The following APC variants were observed in gnomAD, a reference collection of about 807,000 sequenced individuals.
The protein encoded by APC is APC regulator of Wnt signaling pathway, also known as adenomatous polyposis coli protein.
APC carries 72 observed loss-of-function variants against 247.0 expected under a neutral mutation model. The ratio of observed to expected loss-of-function variants is 0.29; its 90% CI spans 0.24 to 0.35. The LOEUF is 0.35. APC is among the 10% of genes least tolerant of loss of function. APC has a pLI of 1.00. For synonymous variants in APC, 1,254 were observed against 1,162.5 expected, an observed-to-expected ratio of 1.08 and a Z score of -1.60; for missense variants, 3,400 against 3,360.7, an observed-to-expected ratio of 1.01 and a Z score of -0.29.
intron 1 of APC, among the ~76,000 whole-genome samples, chr5:112,712,198 T>C (rs192572464): frequency 6.6e-6 from 1 of 152,320 alleles, no homozygotes; most frequent in African/African-American, 2.4e-5. Flanking sequence ...TGTGTTCTCT[T>C]GGTGATCATA....
At chr5:112,814,514 T>C (rs966614132) in intron 8 of APC, among the ~76,000 whole-genome samples, 1 of 152,190 alleles carries the variant, frequency 6.6e-6, no homozygotes, top group Non-Finnish European at 1.5e-5. Context: ...CTCAAGCCAG[T>C]TAATTTGACC....
chr5:112,746,899 G>A (rs187450916), intron 1 of APC, among the ~76,000 whole-genome samples: 1 of 152,284 alleles, frequency 6.6e-6, no homozygotes, highest in East Asian at 1.9e-4. Flanking sequence ...AAAATCCACT[G>A]GAAACCCTAT....
intron 10 of APC, among the ~76,000 whole-genome samples, chr5:112,819,795 C>A (rs778650306): frequency 6.6e-6 from 1 of 152,152 alleles, no homozygotes; most frequent in African/African-American, 2.4e-5. Flanking sequence ...ATTTGCTCCT[C>A]ACATCAACCT....
intron 1 of APC, among the ~76,000 whole-genome samples, chr5:112,750,246 A>C (rs571907896): frequency 2.0e-5 from 3 of 152,142 alleles, no homozygotes; most frequent in African/African-American, 7.2e-5. Flanking sequence ...TACAAGCATG[A>C]GCCACCGCCA....
At chr5:112,803,789 A>G (rs1276948351) in intron 8 of APC, among the ~76,000 whole-genome samples, 1 of 152,140 alleles carries the variant, frequency 6.6e-6, no homozygotes. Flanking sequence ...GATAAATTAC[A>G]TCTCTATTTA....
At position 112,766,306 on chromosome 5, in the gene APC, T is replaced by C. The variant is rs1219730982; in HGVS notation, c.136-20T>C. ...AGTTATTTAGAATTTCATGTTAATA[T>C]ATTGTGTTCTTTTTAACAGGAAGTA... On this transcript the variant is annotated intron_variant, in intron 2 of 15. Coordinates refer to ENST00000257430, the MANE Select transcript of APC (RefSeq NM_000038.6). 7 of 1,463,738 alleles carry C rather than the reference T, an allele frequency of 4.8e-6. No homozygotes were observed. The highest frequency in any genetic ancestry group is 6.7e-6 in the Non-Finnish European group (7 of 1,043,840). 90.7% of individuals were successfully genotyped at this position (1,463,738 alleles called of 1,614,324 possible).
chr5:112,801,823 TC>T (rs1760866451), intron 8 of APC, among the ~76,000 whole-genome samples: 1 of 152,080 alleles, frequency 6.6e-6, no homozygotes, highest in Admixed American at 6.6e-5. Context: ...AATCTAGAAA[TC>T]CAAGTCTTAC....
chr5:112,820,441 G>A (rs1763001810), intron 10 of APC, among the ~76,000 whole-genome samples: 1 of 152,072 alleles, frequency 6.6e-6, no homozygotes, highest in South Asian at 2.1e-4. Flanking sequence ...CTTAAGCCCA[G>A]GAGTTAAAGA....
chr5:112,799,604 C>A (rs1760590532), intron 7 of APC, among the ~76,000 whole-genome samples: 1 of 152,122 alleles, frequency 6.6e-6, no homozygotes, highest in African/African-American at 2.4e-5. Flanking sequence ...AATTTACTTG[C>A]AACTTTATCC....
At chr5:112,800,852 A>G (rs1209755681) in intron 7 of APC, among the ~76,000 whole-genome samples, 1 of 152,030 alleles carries the variant, frequency 6.6e-6, no homozygotes, top group Non-Finnish European at 1.5e-5. Flanking sequence ...TATATATTCT[A>G]TGTGAAAATA....
At chr5:112,814,043 G>C (rs1437293328) in intron 8 of APC, among the ~76,000 whole-genome samples, 1 of 152,116 alleles carries the variant, frequency 6.6e-6, no homozygotes, top group African/African-American at 2.4e-5. Flanking sequence ...CAAATATTCT[G>C]TGGATACCTA....
chr5:112,794,102 G>GT (rs1187257520), intron 7 of APC, among the ~76,000 whole-genome samples: 3 of 151,508 alleles, frequency 2.0e-5, no homozygotes, highest in Non-Finnish European at 1.5e-5. Flanking sequence ...ATCCTGCCAT[G>GT]TAAGTAAGTC....
At chr5:112,824,138 G>A (rs532693512) in intron 11 of APC, among the ~76,000 whole-genome samples, 48 of 152,270 alleles carry the variant, frequency 3.2e-4, no homozygotes, top group South Asian at 8.3e-4. Context: ...GTCTGTTGGT[G>A]CTCTACTATC....
In APC at chr5:112,713,551, A is replaced by C. The variant is rs372516473; in HGVS notation, c.165+5669A>C. ...AGCAAATGGCTGATTAGAAGAAAAC[A>C]GATGGTGTCAATGACAGTATTGTAT... On this transcript the variant is annotated intron_variant, in intron 1 of 13. Transcript: ENST00000507379. Among the ~76,000 whole-genome samples, 83 of 152,356 alleles carry C rather than the reference A, an allele frequency of 5.4e-4. No individual in the cohort carries two copies. The South Asian group carries it at 0.017, about 31-fold the overall frequency.
chr5:112,823,975 T>A (rs1178648022), intron 11 of APC, among the ~76,000 whole-genome samples: 1 of 152,242 alleles, frequency 6.6e-6, no homozygotes, highest in African/African-American at 2.4e-5. Context: ...AATATTCTTG[T>A]TGAGCCTGTG....
rs1765259490 is a variant in APC at position 112,838,361 on chromosome 5, A to G, written c.2767A>G (p.Arg923Gly). 1 of 1,614,094 alleles carries G rather than the reference A, an allele frequency of 6.2e-7. No homozygotes were observed. The highest frequency in any genetic ancestry group is 1.1e-5 in the South Asian group (1 of 91,080). The change falls in exon 16 of 16, where the codon AGA becomes GGA. Residue 923 changes from arginine to glycine, a missense_variant. Arg to Gly is a moderately radical substitution (Grantham distance 125). Around this residue, in one of 9 missense-constraint regions of APC, gnomAD observed 715 missense variants for 656.6 expected, o/e 1.09. Transcript: ENST00000257430. Reference sequence around the variant, plus strand: ...TGTGACAGATGAGAGAAATGCACTTAGAAGAAGCTCTGCTGCCCATACACA... The same window carrying G: ...TGTGACAGATGAGAGAAATGCACTTGGAAGAAGCTCTGCTGCCCATACACA... ...HCVTDERNAL[R>G]RSSAAHTHSN...
upstream of APC, among the ~76,000 whole-genome samples, chr5:112,734,425 A>G (rs2439592): frequency 0.066 from 10,081 of 152,292 alleles, 408 homozygotes; most frequent in Middle Eastern, 0.14. Context: ...ATAAGATCCG[A>G]ACACTGAAAG....
rs779172940 is a variant in APC at position 112,839,836 on chromosome 5, A to G, written c.4242A>G (p.Val1414=). 15 of 1,614,140 alleles carry G rather than the reference A, an allele frequency of 9.3e-6. 3 individuals are homozygous for G. In the South Asian group the frequency reaches 1.5e-4, roughly 17 times the overall value. Residue 1414 remains valine (V), a synonymous_variant, in exon 16 of 16, where the codon GTA becomes GTG. Coordinates refer to ENST00000257430, the MANE Select transcript of APC (RefSeq NM_000038.6). This position sits in a 1 kb window ranked among gnomAD's most constrained non-coding sequence, Gnocchi z 5.0. ...SVQSEPCSGM[V]SGIISPSDLP... ...AGAGTGAACCATGCAGTGGAATGGTAAGTGGCATTATAAGCCCCAGTGATC... is the reference window on the plus strand; with the variant it reads ...AGAGTGAACCATGCAGTGGAATGGTGAGTGGCATTATAAGCCCCAGTGATC...
At chr5:112,829,076 A>T (rs917500215) in intron 14 of APC, 104 bp downstream of exon 14, 8 of 797,548 alleles carry the variant, frequency 1.0e-5, no homozygotes, top group African/African-American at 3.4e-5. Context: ...CCTGTGTATT[A>T]TTCAGTACTA....
Sources: allele counts gnomAD v4.1 joint callset (sites outside exome capture counted in the v4.1 genomes callset), GRCh38; gene constraint gnomAD v4.1.1; regional missense constraint gnomAD v4.1.1; non-coding constraint Gnocchi (gnomAD v3.1); transcripts MANE v1.5; gene names NCBI Gene and HGNC (gene_info 2026-07-23, HGNC 2026-07-21).